SDK1: variants seen among roughly 807,000 people sequenced by gnomAD.
SDK1 encodes the protein sidekick cell adhesion molecule 1, also known as protein sidekick-1.
Under a neutral mutation model 245.5 loss-of-function variants are expected in SDK1, and 157 were observed. The ratio of observed to expected loss-of-function variants is 0.64; its 90% confidence interval spans 0.56 to 0.73. The LOEUF is 0.73. Among genes scored for constraint, SDK1 ranks in the 30% least tolerant of loss-of-function variants. The pLI is 0.00. For missense variants in SDK1, 3,583 were observed against 3,002.3 expected, an observed-to-expected ratio of 1.19 and a Z score of -4.52; for synonymous variants, 1,647 against 1,278.5, an observed-to-expected ratio of 1.29 and a Z score of -6.15.
At chr7:3,998,109 G>A (rs904299652) in intron 14 of SDK1, among the ~76,000 whole-genome samples, 6 of 152,150 alleles carry the variant, frequency 3.9e-5, no homozygotes, top group East Asian at 1.9e-4. Flanking sequence ...CTGCAGCCAC[G>A]ACTTGGGCAG....
chr7:4,236,107 C>T (rs1044019603), intron 41 of SDK1, among the ~76,000 whole-genome samples: 4 of 152,244 alleles, frequency 2.6e-5, no homozygotes, highest in Admixed American at 2.0e-4. Context: ...TTCTTCTTCC[C>T]GGTGTGCACA....
intron 34 of SDK1, 78 bp downstream of exon 34, chr7:4,175,912 A>G: frequency 8.0e-7 from 1 of 1,253,406 alleles, no homozygotes; most frequent in Non-Finnish European, 1.2e-6. Context: ...TCTCAGTGCA[A>G]GGGAAAACCA....
intron 1 of SDK1, among the ~76,000 whole-genome samples, chr7:3,314,656 G>T (rs1457302997): frequency 6.6e-6 from 1 of 152,186 alleles, no homozygotes; most frequent in African/African-American, 2.4e-5. Context: ...AAAGACAGAG[G>T]CCATCTGCAT....
intron 13 of SDK1, among the ~76,000 whole-genome samples, chr7:3,985,205 C>T (rs1783729124): frequency 6.6e-6 from 1 of 152,256 alleles, no homozygotes. Context: ...AGAGGTTCAC[C>T]ATGGTGGCGA....
intron 4 of SDK1, among the ~76,000 whole-genome samples, chr7:3,763,173 T>G (rs1332859885): frequency 6.6e-6 from 1 of 152,228 alleles, no homozygotes; most frequent in African/African-American, 2.4e-5. Flanking sequence ...ATAAACTGTC[T>G]TTAATAAATT....
At chr7:3,389,801 G>T (rs1055020130) in intron 1 of SDK1, among the ~76,000 whole-genome samples, 6 of 152,132 alleles carry the variant, frequency 3.9e-5, no homozygotes, top group Admixed American at 3.3e-4. Flanking sequence ...TGGAGGTGGG[G>T]TGCTGTGGTA....
intron 4 of SDK1, among the ~76,000 whole-genome samples, chr7:3,663,851 G>C (rs949100769): frequency 6.6e-6 from 1 of 152,194 alleles, no homozygotes; most frequent in Non-Finnish European, 1.5e-5. Context: ...GGCTAAGCAA[G>C]GCAGAAAGGT....
In SDK1 at chr7:4,143,624, G is replaced by A. The variant is rs150412759; in HGVS notation, c.4229-2098G>A. Reference sequence around the variant, plus strand: ...GGTGTGTCCTTCCTTTGAAGGGCCCGCTAGCTTCTATTGGAGAGGATGCTT... The same window carrying A: ...GGTGTGTCCTTCCTTTGAAGGGCCCACTAGCTTCTATTGGAGAGGATGCTT... On this transcript the variant is annotated intron_variant, in intron 28 of 44. Transcript: ENST00000404826. Among the ~76,000 whole-genome samples, 195 of 152,296 alleles carry A rather than the reference G, an allele frequency of 1.3e-3. 8 individuals carry two copies. The East Asian group carries it at 0.035, about 27-fold the overall frequency.
At chr7:3,711,472 T>C (rs1785050612) in intron 4 of SDK1, among the ~76,000 whole-genome samples, 1 of 152,078 alleles carries the variant, frequency 6.6e-6, no homozygotes, top group Non-Finnish European at 1.5e-5. Context: ...AAACAATGAC[T>C]CAGGTCATGG....
intron 1 of SDK1, among the ~76,000 whole-genome samples, chr7:3,583,324 A>G (rs563351489): frequency 6.6e-6 from 1 of 152,182 alleles, no homozygotes; most frequent in Non-Finnish European, 1.5e-5. Context: ...TTATGTTACC[A>G]TTTAGAAACT....
At chr7:3,784,721 C>T (rs896625422) in intron 4 of SDK1, among the ~76,000 whole-genome samples, 1 of 152,070 alleles carries the variant, frequency 6.6e-6, no homozygotes, top group Non-Finnish European at 1.5e-5. Context: ...CATGTGTTGG[C>T]CAGGATGTGA....
At chr7:3,774,634 C>T (rs1046260321) in intron 4 of SDK1, among the ~76,000 whole-genome samples, 3 of 152,208 alleles carry the variant, frequency 2.0e-5, no homozygotes, top group African/African-American at 4.8e-5. Flanking sequence ...TCTGCCAGTG[C>T]AATTGTTGTC....
intron 22 of SDK1, among the ~76,000 whole-genome samples, chr7:4,094,438 G>T (rs892226130): frequency 6.6e-6 from 1 of 152,164 alleles, no homozygotes; most frequent in Non-Finnish European, 1.5e-5. Context: ...ACTTGCTTCT[G>T]CTCTACTCAC....
intron 4 of SDK1, among the ~76,000 whole-genome samples, chr7:3,699,160 G>A (rs1256294166): frequency 6.6e-6 from 1 of 152,158 alleles, no homozygotes; most frequent in East Asian, 1.9e-4. Flanking sequence ...AAAATAGAAG[G>A]CTAAAGTAAC....
chr7:3,356,515 A>G (rs1380222984), intron 1 of SDK1, among the ~76,000 whole-genome samples: 4 of 151,812 alleles, frequency 2.6e-5, no homozygotes, highest in Non-Finnish European at 4.4e-5. Context: ...CTCCTCCTTT[A>G]TTTTTGCTTA....
At chr7:3,680,109 GGAAT>G (rs1280253155) in intron 4 of SDK1, among the ~76,000 whole-genome samples, 3 of 152,120 alleles carry the variant, frequency 2.0e-5, no homozygotes, top group Non-Finnish European at 2.9e-5. Context: ...GGCAATAAAA[GGAAT>G]GAATGAATGA....
intron 14 of SDK1, among the ~76,000 whole-genome samples, chr7:4,003,596 A>G (rs139590657): frequency 7.2e-5 from 11 of 152,320 alleles, no homozygotes; most frequent in Admixed American, 3.3e-4. Context: ...GGCTTTGGGA[A>G]GAAGACCAGG....
chr7:4,137,660 CACCCAT>C (rs1779181508), intron 28 of SDK1, among the ~76,000 whole-genome samples: 1 of 152,202 alleles, frequency 6.6e-6, no homozygotes, highest in South Asian at 2.1e-4. Context: ...TATCATAATT[CACCCAT>C]ACCCTTAAAA....
intron 5 of SDK1, among the ~76,000 whole-genome samples, chr7:3,836,088 T>G (rs1337693928): frequency 6.6e-6 from 1 of 152,214 alleles, no homozygotes; most frequent in Non-Finnish European, 1.5e-5. Flanking sequence ...TCAGTCAAAT[T>G]ACAGCTTTCA....
Sources: allele counts gnomAD v4.1 joint callset (sites outside exome capture counted in the v4.1 genomes callset), GRCh38; gene constraint gnomAD v4.1.1; transcripts MANE v1.5; gene names NCBI Gene and HGNC (gene_info 2026-07-23, HGNC 2026-07-21).